UBE2H: variants seen among roughly 807,000 people sequenced by gnomAD.
UBE2H encodes ubiquitin conjugating enzyme E2 H, also known as ubiquitin-conjugating enzyme E2 H.
Under a neutral mutation model 29.0 loss-of-function variants are expected in UBE2H, and 3 were observed. The ratio of observed to expected loss-of-function variants is 0.10; its 90% CI spans 0.05 to 0.27. The LOEUF (loss-of-function observed/expected upper bound fraction) is 0.27. UBE2H is among the 10% of genes least tolerant of loss of function. UBE2H has a pLI of 1.00. For missense variants in UBE2H, 68 were observed against 228.2 expected (o/e 0.30, Z 4.52); for synonymous variants, 69 against 82.9 (o/e 0.83, Z 0.91).
chr7:129,863,017 A>G (rs1202626723), intron 3 of UBE2H, among the ~76,000 whole-genome samples: 1 of 152,226 alleles, frequency 6.6e-6, no homozygotes, highest in South Asian at 2.1e-4. Context: ...CGGGGCATTT[A>G]AAGGTGTTAA....
In UBE2H at chr7:129,836,879, C is replaced by CAAAAAAAAAAAAAA. The variant is rs61226846; in HGVS notation, c.428-1832_428-1819dup. Among the ~76,000 whole-genome samples, 111 of 73,720 alleles carry CAAAAAAAAAAAAAA rather than the reference C, an allele frequency of 1.5e-3. 8 individuals are homozygous for CAAAAAAAAAAAAAA. The highest frequency in any genetic ancestry group is 8.2e-3 in the Middle Eastern group (1 of 122). 48.4% of individuals were successfully genotyped at this position (73,720 alleles called of 152,430 possible). ...TAGGCGACAGGGCAAGACTCCGTCT[C>CAAAAAAAAAAAAAA]AAAAAAAAAAAAAAAAAAAAAAAAA... On this transcript the variant is annotated intron_variant, in intron 6 of 6. Transcript: ENST00000355621.
intron 1 of UBE2H, among the ~76,000 whole-genome samples, chr7:129,930,936 A>C (rs1584793654): frequency 9.1e-6 from 1 of 109,650 alleles, no homozygotes. Context: ...AAAAAAAACA[A>C]GGCCGGGCAC....
At chr7:129,897,114 T>TCCACAAAC (rs1460154686) in intron 1 of UBE2H, among the ~76,000 whole-genome samples, 6 of 151,904 alleles carry the variant, frequency 3.9e-5, no homozygotes, top group African/African-American at 1.5e-4. Flanking sequence ...AAGACCCAGG[T>TCCACAAAC]CCACAAACCA....
At chr7:129,904,384 T>A (rs1427359332) in intron 1 of UBE2H, among the ~76,000 whole-genome samples, 1 of 152,110 alleles carries the variant, frequency 6.6e-6, no homozygotes, top group East Asian at 1.9e-4. Context: ...CCTTCCAAAG[T>A]GCTGGGATTA....
At chr7:129,918,907 A>T (rs563007545) in intron 1 of UBE2H, among the ~76,000 whole-genome samples, 1 of 151,972 alleles carries the variant, frequency 6.6e-6, no homozygotes, top group East Asian at 1.9e-4. Context: ...ACATGGTGAA[A>T]CCCCATCTCT....
intron 1 of UBE2H, among the ~76,000 whole-genome samples, chr7:129,884,385 C>T (rs1365650772): frequency 6.7e-6 from 1 of 150,300 alleles, no homozygotes; most frequent in Non-Finnish European, 1.5e-5. Flanking sequence ...CCACTGCATT[C>T]CAGCCTGGGC....
At chr7:129,839,479 T>C (rs1805388193) in intron 5 of UBE2H, 144 bp from the exon 6 acceptor site, 2 of 1,009,038 alleles carry the variant, frequency 2.0e-6, no homozygotes, top group Non-Finnish European at 1.4e-6. Context: ...ACATGTGACT[T>C]GTATTACACA....
At chr7:129,846,309 A>G in intron 5 of UBE2H, among the ~76,000 whole-genome samples, 1 of 151,952 alleles carries the variant, frequency 6.6e-6, no homozygotes, top group Non-Finnish European at 1.5e-5. Flanking sequence ...GGAGTTCAAT[A>G]ACAGCCTGGG....
chr7:129,875,934 A>G (rs1806136470), intron 3 of UBE2H, among the ~76,000 whole-genome samples: 2 of 152,218 alleles, frequency 1.3e-5, no homozygotes, highest in Admixed American at 1.3e-4. Context: ...GTATCTCTAA[A>G]GTCCTCATGC....
rs558508669 is a variant in UBE2H, at chr7:129,918,234, G to T, written c.53+34269C>A. Among the ~76,000 whole-genome samples, 4 of 152,240 alleles carry T rather than the reference G, an allele frequency of 2.6e-5. No individual in the cohort carries two copies. In the South Asian group the frequency reaches 8.3e-4, roughly 32 times the overall value. Reference sequence around the variant, plus strand: ...GCACGCACATACAGTTGATTAACAGGAGGCACTCCAGCTTTCTAAAGGAAG... The same window carrying T: ...GCACGCACATACAGTTGATTAACAGTAGGCACTCCAGCTTTCTAAAGGAAG... On this transcript the variant is annotated intron_variant, in intron 1 of 6. Transcript: ENST00000355621.
At chr7:129,945,895 G>A (rs956844203) in intron 1 of UBE2H, among the ~76,000 whole-genome samples, 6 of 152,216 alleles carry the variant, frequency 3.9e-5, no homozygotes, top group East Asian at 3.9e-4. Flanking sequence ...ACAGGCATGC[G>A]CCACCACGCC....
intron 5 of UBE2H, among the ~76,000 whole-genome samples, chr7:129,843,755 A>AGGTAACCCGCAGAC (rs1356719299): frequency 8.7e-4 from 132 of 152,180 alleles, no homozygotes; most frequent in Non-Finnish European, 1.1e-3. Context: ...CCACCGCAGG[A>AGGTAACCCGCAGAC]GGTAACCCGC....
At chr7:129,850,943 C>T (rs1805598833) in intron 5 of UBE2H, among the ~76,000 whole-genome samples, 1 of 151,940 alleles carries the variant, frequency 6.6e-6, no homozygotes, top group South Asian at 2.1e-4. Flanking sequence ...GATAGATGGA[C>T]AGATGGATGC....
chr7:129,868,064 A>G (rs1371274194), intron 3 of UBE2H, among the ~76,000 whole-genome samples: 1 of 152,220 alleles, frequency 6.6e-6, no homozygotes, highest in Non-Finnish European at 1.5e-5. Context: ...AAAGAATTTC[A>G]GTTTAAAGAA....
chr7:129,876,288 C>T lies in UBE2H; in HGVS notation c.205+3280G>A, dbSNP rs1584759461. Among the ~76,000 whole-genome samples, 8 of 152,258 alleles carry T rather than the reference C, an allele frequency of 5.3e-5. 3 individuals carry two copies. The highest frequency in any genetic ancestry group is 5.2e-4 in the Admixed American group (8 of 15,302). On this transcript the variant is annotated intron_variant, in intron 3 of 6. Coordinates refer to ENST00000355621, the MANE Select transcript of UBE2H (RefSeq NM_003344.4). ...TATCTCTCTCATGGTCAAGGAGAACCAGGGCCAGAACTTCTCTACCCTGAT... is the reference window on the plus strand; with the variant it reads ...TATCTCTCTCATGGTCAAGGAGAACTAGGGCCAGAACTTCTCTACCCTGAT...
chr7:129,862,611 C>T (rs1805822847), intron 3 of UBE2H, among the ~76,000 whole-genome samples: 1 of 152,066 alleles, frequency 6.6e-6, no homozygotes, highest in South Asian at 2.1e-4. Flanking sequence ...GAGGAGCCAC[C>T]TGGTACCAAG....
chr7:129,949,877 C>A (rs1807839631), intron 1 of UBE2H, among the ~76,000 whole-genome samples: 1 of 152,174 alleles, frequency 6.6e-6, no homozygotes, highest in Admixed American at 6.5e-5. Context: ...AACCAGCTAT[C>A]GCCCCCCACA....
At position 129,833,952 on chromosome 7, in the gene UBE2H, G is replaced by A. The variant is rs191355093; in HGVS notation, c.*985C>T. On this transcript the variant is annotated 3_prime_UTR_variant, in exon 7 of 7. Coordinates refer to ENST00000355621, the MANE Select transcript of UBE2H (RefSeq NM_003344.4). Reference sequence around the variant, plus strand: ...CCATGAGCGGCTTGTCCAAGGAGGCGGCCGCCTCTTGGTAGGTGAAGATGA... The same window carrying A: ...CCATGAGCGGCTTGTCCAAGGAGGCAGCCGCCTCTTGGTAGGTGAAGATGA... 3.2e-4 allele frequency: 48 copies of A among 152,072 alleles called. No homozygotes were observed. The highest frequency in any genetic ancestry group is 1.1e-3 in the African/African-American group (44 of 41,436). The allele number at this position is 152,072 out of a possible 1,614,324, so 9.4% of individuals were successfully genotyped here. A position where few individuals can be genotyped will look rare whatever the true frequency, so the allele number is the denominator to read the frequency against.
At chr7:129,839,943 CAA>C (rs1242077264) in intron 5 of UBE2H, among the ~76,000 whole-genome samples, 1 of 152,206 alleles carries the variant, frequency 6.6e-6, no homozygotes, top group Non-Finnish European at 1.5e-5. Flanking sequence ...CTCCTAACCT[CAA>C]GTGACCTGCC....
Sources: allele counts gnomAD v4.1 joint callset (sites outside exome capture counted in the v4.1 genomes callset), GRCh38; gene constraint gnomAD v4.1.1; transcripts MANE v1.5; gene names NCBI Gene and HGNC (gene_info 2026-07-23, HGNC 2026-07-21).